The following GLT1D1 variants were observed in gnomAD, a reference collection of about 807,000 sequenced individuals.
GLT1D1 encodes the protein glycosyltransferase 1 domain containing 1, also known as glycosyltransferase 1 domain-containing protein 1.
Under a neutral mutation model 28.7 loss-of-function variants are expected in GLT1D1, and 21 were observed. The ratio of observed to expected loss-of-function variants is 0.73; its 90% confidence interval spans 0.52 to 1.05. The LOEUF is 1.05. Ranked by LOEUF, GLT1D1 falls within the 50% of genes least tolerant of loss-of-function variation. GLT1D1 has a pLI of 0.00. For synonymous variants in GLT1D1, 147 were observed against 124.8 expected, an observed-to-expected ratio of 1.18 and a Z score of -1.19; for missense variants, 343 against 330.6, an observed-to-expected ratio of 1.04 and a Z score of -0.29.
rs1370572496 is a variant in GLT1D1 at position 128,879,376 on chromosome 12, CTTTTTCTTTCTTTCTT to C, written c.217+3316_217+3331del. On this transcript the variant is annotated intron_variant, in intron 2 of 7. Coordinates refer to ENST00000281703, the MANE Select transcript of GLT1D1 (RefSeq NM_144669.3). Reference sequence around the variant, plus strand: ...GTAAAGTGATACTTATTATTTTTTTCTTTTTCTTTCTTTCTTTCTTTCTTTCTTTCTTTCTTTCTTT... The same window carrying C: ...GTAAAGTGATACTTATTATTTTTTTCTCTTTCTTTCTTTCTTTCTTTCTTT... Among the ~76,000 whole-genome samples, 28 of 83,916 alleles carry C rather than the reference CTTTTTCTTTCTTTCTT, an allele frequency of 3.3e-4. 2 individuals carry two copies. Among genetic ancestry groups the C allele is most frequent in the South Asian group, 5.2e-4 (1 of 1,912 alleles). The allele number at this position is 83,916 out of a possible 152,430, so 55.1% of individuals were successfully genotyped here.
intron 4 of GLT1D1, among the ~76,000 whole-genome samples, chr12:128,916,410 G>A (rs1341546600): frequency 1.3e-5 from 2 of 152,160 alleles, no homozygotes; most frequent in Non-Finnish European, 2.9e-5. Context: ...TTGACTATAT[G>A]ATTAACATTA....
At chr12:128,876,279 A>C (rs532023721) in intron 2 of GLT1D1, among the ~76,000 whole-genome samples, 1 of 152,152 alleles carries the variant, frequency 6.6e-6, no homozygotes, top group Admixed American at 6.6e-5. Flanking sequence ...TTACCATATT[A>C]AAAGTATCAT....
At chr12:128,916,117 T>C (rs1298175852) in intron 4 of GLT1D1, among the ~76,000 whole-genome samples, 1 of 152,220 alleles carries the variant, frequency 6.6e-6, no homozygotes, top group Admixed American at 6.5e-5. Flanking sequence ...GAGTCATGCA[T>C]TGAATAATTT....
intron 4 of GLT1D1, among the ~76,000 whole-genome samples, chr12:128,943,677 A>G (rs1171771234): frequency 6.6e-6 from 1 of 152,254 alleles, no homozygotes; most frequent in Non-Finnish European, 1.5e-5. Context: ...GAAAATTCTG[A>G]GTAAACTGAA....
chr12:128,950,557 A>G (rs11060040), intron 6 of GLT1D1, among the ~76,000 whole-genome samples: 68,569 of 152,068 alleles, frequency 0.45, 16,559 homozygotes, highest in Non-Finnish European at 0.54. Flanking sequence ...CCCCAGGTAT[A>G]CACCAGAATG....
chr12:128,914,426 C>T (rs573254499), intron 4 of GLT1D1, among the ~76,000 whole-genome samples: 1 of 152,112 alleles, frequency 6.6e-6, no homozygotes, highest in Non-Finnish European at 1.5e-5. Context: ...TCCATGGGCT[C>T]TTTTTAACCC....
chr12:128,943,638 T>C (rs1875626362), intron 4 of GLT1D1, among the ~76,000 whole-genome samples: 2 of 152,246 alleles, frequency 1.3e-5, no homozygotes, highest in South Asian at 4.1e-4. Context: ...TTTTTCTATA[T>C]GCGAATGGAT....
At position 128,949,175 on chromosome 12, in the gene GLT1D1, A is replaced by AT. The variant is rs773204953; in HGVS notation, c.540+1725dup. Among the ~76,000 whole-genome samples the AT allele has an allele frequency of 7.2e-4, 110 of 152,128 alleles. 1 individual carries two copies. Among genetic ancestry groups the AT allele is most frequent in the Non-Finnish European group, 1.5e-3 (100 of 68,002 alleles). On this transcript the variant is annotated intron_variant, in intron 6 of 7. Transcript: ENST00000281703. ...ACTGCTCCTTTGTAGGTAAATATAC[A>AT]TTTTTTTTCAACTTCTTAAGGAAAG...
chr12:128,898,296 C>T (rs1869879704), intron 3 of GLT1D1, among the ~76,000 whole-genome samples: 1 of 152,118 alleles, frequency 6.6e-6, no homozygotes, highest in South Asian at 2.1e-4. Context: ...CCTCAGCCTC[C>T]TGAGTAGCTG....
chr12:128,855,191 C>G (rs1956183969), intron 1 of GLT1D1, among the ~76,000 whole-genome samples: 1 of 138,200 alleles, frequency 7.2e-6, no homozygotes. Flanking sequence ...CGCCACTGCA[C>G]TCTAGCCTGG....
chr12:128,951,857 A>G (rs1390536015), intron 6 of GLT1D1, among the ~76,000 whole-genome samples: 3 of 152,224 alleles, frequency 2.0e-5, no homozygotes, highest in African/African-American at 7.2e-5. Flanking sequence ...AAACCCTCAG[A>G]TTACACTGAA....
At chr12:128,965,593 T>A (rs1223418502) in intron 7 of GLT1D1, among the ~76,000 whole-genome samples, 1 of 151,378 alleles carries the variant, frequency 6.6e-6, no homozygotes, top group Non-Finnish European at 1.5e-5. Context: ...TCCCAGAGGC[T>A]GGGCATGGTG....
In GLT1D1 at chr12:128,947,534, C is replaced by T. The variant is rs146124793; in HGVS notation, c.540+76C>T. On this transcript the variant is annotated intron_variant, in intron 6 of 7. Coordinates refer to ENST00000281703, the MANE Select transcript of GLT1D1 (RefSeq NM_144669.3). ...CTCCTTCTCCTATTTACGGAGGTGA[C>T]GTCTTTGTCAATAACATTCTGCACT... 73 of 1,529,020 alleles carry T rather than the reference C, an allele frequency of 4.8e-5. No individual in the cohort carries two copies. The Admixed American group carries it at 8.7e-4, about 18-fold the overall frequency. 94.7% of individuals were successfully genotyped at this position (1,529,020 alleles called of 1,614,324 possible). A position where few individuals can be genotyped will look rare whatever the true frequency, so the allele number is the denominator to read the frequency against.
chr12:128,941,511 A>C (rs150384299), intron 4 of GLT1D1, among the ~76,000 whole-genome samples: 2 of 151,174 alleles, frequency 1.3e-5, no homozygotes, highest in East Asian at 3.9e-4. Flanking sequence ...CAGGCTCCTA[A>C]CCAGAGTCTA....
intron 1 of GLT1D1, among the ~76,000 whole-genome samples, chr12:128,863,320 G>A (rs994389115): frequency 2.0e-5 from 3 of 152,164 alleles, no homozygotes; most frequent in East Asian, 1.9e-4. Context: ...AGGCAGGCCC[G>A]CTCTGGAATG....
chr12:128,946,747 C>T (rs113645520), intron 5 of GLT1D1, among the ~76,000 whole-genome samples: 5,513 of 142,416 alleles, frequency 0.039, 190 homozygotes, highest in Middle Eastern at 0.092. Flanking sequence ...CTCCCGGGTT[C>T]GAGCAATTCT....
chr12:128,908,919 A>G (rs946978139), intron 4 of GLT1D1, among the ~76,000 whole-genome samples: 10 of 152,192 alleles, frequency 6.6e-5, no homozygotes, highest in Admixed American at 5.2e-4. Flanking sequence ...CCTGCACTCC[A>G]GCCTGGGCGA....
intron 3 of GLT1D1, among the ~76,000 whole-genome samples, chr12:128,897,372 T>A (rs757996970): frequency 1.8e-4 from 28 of 152,166 alleles, no homozygotes; most frequent in Non-Finnish European, 3.2e-4. Flanking sequence ...CAGTAGTTTT[T>A]AAATTTTAAT....
chr12:128,957,616 C>T lies in GLT1D1; in HGVS notation c.612C>T (p.Val204=). 6.2e-7 allele frequency: 1 copy of T among 1,612,866 alleles called. No individual in the cohort carries two copies. The highest frequency in any genetic ancestry group is 8.5e-7 in the Non-Finnish European group (1 of 1,178,922). Reference sequence around the variant, plus strand: ...ATGCTGCCGTGGTGAAGCATGAAGTCACAGGGCTACTGTTTTCCAATCCTC... The same window carrying T: ...ATGCTGCCGTGGTGAAGCATGAAGTTACAGGGCTACTGTTTTCCAATCCTC... The change falls in exon 7 of 8, where the codon GTC becomes GTT. Residue 204 remains valine (V), a synonymous_variant. Coordinates refer to ENST00000281703, the MANE Select transcript of GLT1D1 (RefSeq NM_144669.3).
Sources: gnomAD v4.1 joint callset for allele counts (sites outside exome capture counted in the v4.1 genomes callset) on GRCh38, gnomAD v4.1.1 for gene constraint, MANE v1.5 for transcripts, NCBI Gene and HGNC (gene_info 2026-07-23, HGNC 2026-07-21) for gene names.